The following MBTD1 variants were observed in gnomAD, a reference collection of about 807,000 sequenced individuals.
MBTD1 encodes mbt domain containing 1, also known as MBT domain-containing protein 1.
MBTD1 carries 24 observed loss-of-function variants against 87.8 expected under a neutral mutation model. The ratio of observed to expected loss-of-function variants is 0.27; its 90% CI spans 0.20 to 0.38. MBTD1 has a LOEUF of 0.38. Ranked by LOEUF, MBTD1 falls within the 10% of genes least tolerant of loss-of-function variation. The probability of loss-of-function intolerance (pLI) is 1.00; values close to 1 mark genes in which losing one functional copy is unlikely to be tolerated. For missense variants in MBTD1, 436 were observed against 760.2 expected, an observed-to-expected ratio of 0.57 and a Z score of 5.02; for synonymous variants, 237 against 248.6, an observed-to-expected ratio of 0.95 and a Z score of 0.44.
chr17:51,205,220 A>T (rs1447866452), intron 7 of MBTD1, among the ~76,000 whole-genome samples: 2 of 152,238 alleles, frequency 1.3e-5, no homozygotes, highest in African/African-American at 4.8e-5. Flanking sequence ...TTAAAATTCA[A>T]TAATTTCTCA....
In MBTD1 at chr17:51,180,207, C is replaced by A. The variant is rs2050251665; in HGVS notation, c.*369G>T. ...TTCATTTGTAATGACAGTTCATTTG[C>A]ATTTAACAGCTATATCCTTCTTAAA... is the stretch of plus-strand genomic sequence containing the variant. On this transcript the variant is annotated 3_prime_UTR_variant, in exon 17 of 17. Transcript: ENST00000586178. 1 of 167,948 alleles carries A rather than the reference C, an allele frequency of 6.0e-6. No individual in the cohort carries two copies. Among genetic ancestry groups the A allele is most frequent in the Non-Finnish European group, 1.3e-5 (1 of 79,006 alleles). 10.4% of individuals were successfully genotyped at this position (167,948 alleles called of 1,614,324 possible).
At chr17:51,197,480 G>A (rs1420836375) in intron 12 of MBTD1, among the ~76,000 whole-genome samples, 7 of 150,802 alleles carry the variant, frequency 4.6e-5, no homozygotes, top group Non-Finnish European at 1.0e-4. Context: ...CAACCTCACT[G>A]AGTCTCTGCT....
chr17:51,242,939 T>C (rs2054236350), intron 2 of MBTD1, among the ~76,000 whole-genome samples: 2 of 152,240 alleles, frequency 1.3e-5, no homozygotes. Context: ...TTCTTGCAGC[T>C]GCATAGTACT....
chr17:51,255,719 C>T (rs1598450270), intron 2 of MBTD1, among the ~76,000 whole-genome samples: 1 of 152,020 alleles, frequency 6.6e-6, no homozygotes, highest in East Asian at 1.9e-4. Flanking sequence ...CCACCTCTGC[C>T]CCCGAGTAGC....
chr17:51,195,036 C>A (rs143118256), intron 13 of MBTD1, among the ~76,000 whole-genome samples, 178 bp downstream of exon 13: 5 of 152,116 alleles, frequency 3.3e-5, no homozygotes, highest in Non-Finnish European at 5.9e-5. Flanking sequence ...TATTAAAGTA[C>A]GCTAGAATAC....
chr17:51,252,220 C>T (rs538871326), intron 2 of MBTD1, among the ~76,000 whole-genome samples: 111 of 152,186 alleles, frequency 7.3e-4, no homozygotes, highest in African/African-American at 2.5e-3. Context: ...AGCAGTGGCC[C>T]AAATAGGCTA....
chr17:51,259,956 G>A lies in MBTD1; in HGVS notation c.-234C>T, dbSNP rs1302427467. ...TCTCCCCGGGACTGCGGCGACTACAGGGGGCCCCCGGCTGGGCCCAGACCG... is the reference window on the plus strand; with the variant it reads ...TCTCCCCGGGACTGCGGCGACTACAAGGGGCCCCCGGCTGGGCCCAGACCG... On this transcript the variant is annotated 5_prime_UTR_variant, in exon 1 of 17. Coordinates refer to ENST00000586178, the MANE Select transcript of MBTD1 (RefSeq NM_017643.3). The A allele has an allele frequency of 3.6e-6, 4 of 1,117,070 alleles. No individual in the cohort carries two copies. The highest frequency in any genetic ancestry group is 4.5e-6 in the Non-Finnish European group (4 of 883,284). The allele number at this position is 1,117,070 out of a possible 1,614,324, so 69.2% of individuals were successfully genotyped here. A position where few individuals can be genotyped will look rare whatever the true frequency, so the allele number is the denominator to read the frequency against.
chr17:51,249,386 T>C (rs998029250), intron 2 of MBTD1, among the ~76,000 whole-genome samples: 2 of 152,238 alleles, frequency 1.3e-5, no homozygotes, highest in African/African-American at 2.4e-5. Context: ...TTTAGTTTTT[T>C]ATTTCTTCTT....
chr17:51,258,613 T>C (rs576078367), intron 2 of MBTD1, among the ~76,000 whole-genome samples: 1 of 152,208 alleles, frequency 6.6e-6, no homozygotes, highest in East Asian at 1.9e-4. Context: ...AATCATCTAA[T>C]CATCCCTCTA....
chr17:51,202,617 T>C, intron 10 of MBTD1, 84 bp downstream of exon 10: 2 of 1,009,744 alleles, frequency 2.0e-6, no homozygotes, highest in Non-Finnish European at 3.1e-6. Flanking sequence ...TTTTCATCTA[T>C]GCAATTCTGC....
At chr17:51,197,180 C>T (rs912517136) in intron 12 of MBTD1, among the ~76,000 whole-genome samples, 2 of 145,952 alleles carry the variant, frequency 1.4e-5, no homozygotes, top group Non-Finnish European at 3.0e-5. Flanking sequence ...CAGCTCATTG[C>T]AACCTCCCCC....
At chr17:51,257,118 A>AG (rs1385509765) in intron 2 of MBTD1, among the ~76,000 whole-genome samples, 1 of 152,240 alleles carries the variant, frequency 6.6e-6, no homozygotes, top group Non-Finnish European at 1.5e-5. Flanking sequence ...TGAAATCAAA[A>AG]GTCATCTTGC....
chr17:51,190,750 A>AAAAAAAATATATATATATAT (rs1555677185), intron 16 of MBTD1, among the ~76,000 whole-genome samples: 1 of 39,716 alleles, frequency 2.5e-5, no homozygotes, highest in African/African-American at 1.5e-4. Context: ...AAAAAAAAAA[A>AAAAAAAATATATATATATAT]ATATATATAT....
intron 2 of MBTD1, among the ~76,000 whole-genome samples, chr17:51,235,290 C>G (rs2053771219): frequency 6.6e-6 from 1 of 152,044 alleles, no homozygotes; most frequent in African/African-American, 2.4e-5. Context: ...CATGTGCCAT[C>G]ATACCCAGCT....
rs2051875194 is a variant in MBTD1 at position 51,206,868 on chromosome 17, C to CTA, written c.604+18_604+19dup. On this transcript the variant is annotated intron_variant, in intron 7 of 16. Coordinates refer to ENST00000586178, the MANE Select transcript of MBTD1 (RefSeq NM_017643.3). Reference sequence around the variant, plus strand: ...AAGGATCTCTGCATTTTCTACTAAACTATTATTCATGCTTTTCACCTGCTA... The same window carrying CTA: ...AAGGATCTCTGCATTTTCTACTAAACTATATTATTCATGCTTTTCACCTGCTA... 1 of 1,469,766 alleles carries CTA rather than the reference C, an allele frequency of 6.8e-7. No individual in the cohort carries two copies. Among genetic ancestry groups the CTA allele is most frequent in the East Asian group, 2.3e-5 (1 of 44,154 alleles). The allele number at this position is 1,469,766 out of a possible 1,614,324, so 91.0% of individuals were successfully genotyped here.
intron 2 of MBTD1, among the ~76,000 whole-genome samples, chr17:51,242,013 T>C (rs1439976220): frequency 1.3e-5 from 2 of 152,194 alleles, no homozygotes; most frequent in African/African-American, 4.8e-5. Context: ...CCTTACTTTC[T>C]TGCATAATAA....
chr17:51,198,792 G>A (rs1189276327), intron 12 of MBTD1, among the ~76,000 whole-genome samples: 1 of 152,166 alleles, frequency 6.6e-6, no homozygotes, highest in Non-Finnish European at 1.5e-5. Context: ...TCGATCATGG[G>A]AATCCACGTG....
intron 16 of MBTD1, among the ~76,000 whole-genome samples, chr17:51,186,633 GCA>G (rs2050548971): frequency 6.6e-6 from 1 of 152,096 alleles, no homozygotes; most frequent in Non-Finnish European, 1.5e-5. Context: ...AAATAGCTGG[GCA>G]TGGTGGCAGG....
At chr17:51,199,352 C>T (rs35289073) in intron 12 of MBTD1, among the ~76,000 whole-genome samples, 58,508 of 151,810 alleles carry the variant, frequency 0.39, 11,768 homozygotes, top group Non-Finnish European at 0.44. Flanking sequence ...GCTGGAATTA[C>T]AGGTGTGAGC....
Sources: allele counts gnomAD v4.1 joint callset (sites outside exome capture counted in the v4.1 genomes callset), GRCh38; gene constraint gnomAD v4.1.1; transcripts MANE v1.5; gene names NCBI Gene and HGNC (gene_info 2026-07-23, HGNC 2026-07-21).